The following COL4A5 variants were observed in gnomAD, a reference collection of about 807,000 sequenced individuals.
The protein encoded by COL4A5 is collagen alpha-5(IV) chain.
In COL4A5, 26 loss-of-function variants were observed where a neutral mutation model predicts 130.2. The ratio of observed to expected loss-of-function variants is 0.20; its 90% CI spans 0.15 to 0.28. The LOEUF (loss-of-function observed/expected upper bound fraction) is 0.28, where lower values mean the gene tolerates loss of function less well. Ranked by LOEUF, COL4A5 falls within the 10% of genes least tolerant of loss-of-function variation. The pLI is 1.00. For synonymous variants in COL4A5, 496 were observed against 439.6 expected (o/e 1.13, Z -1.60); for missense variants, 1,131 against 1,344.3 (o/e 0.84, Z 2.48).
In COL4A5 at chrX:108,619,348, C is replaced by T. The variant is rs750323407; in HGVS notation, c.2510-911C>T. Among the ~76,000 whole-genome samples, 5 of 111,843 alleles carry T rather than the reference C, an allele frequency of 4.5e-5. No homozygotes were observed. In the South Asian group the frequency reaches 1.5e-3, roughly 33 times the overall value. On this transcript the variant is annotated intron_variant, in intron 30 of 52. Coordinates refer to ENST00000328300, the MANE Select transcript of COL4A5 (RefSeq NM_033380.3). ...GACTTGGAATGATCATCTGGCTCAA[C>T]CCCTAGTTTCCAATTGGTTATGGCA... is the stretch of plus-strand genomic sequence containing the variant.
At chrX:108,607,215 A>G (rs1484381685) in intron 29 of COL4A5, among the ~76,000 whole-genome samples, 7 of 109,261 alleles carry the variant, frequency 6.4e-5, no homozygotes, top group Non-Finnish European at 1.9e-5. Context: ...AAAAATAGAA[A>G]AATTAGCCGG....
chrX:108,569,911 A>G (rs2066034947), intron 6 of COL4A5, among the ~76,000 whole-genome samples: 1 of 110,048 alleles, frequency 9.1e-6, no homozygotes, highest in African/African-American at 3.3e-5. Flanking sequence ...CGAATTCCTG[A>G]CCTCTTGATC....
At chrX:108,484,512 G>A (rs1358921609) in intron 1 of COL4A5, among the ~76,000 whole-genome samples, 1 of 112,505 alleles carries the variant, frequency 8.9e-6, no homozygotes. Context: ...TCTGCATTAG[G>A]GAACATCCCA....
intron 10 of COL4A5, 150 bp downstream of exon 10, chrX:108,576,122 A>C (rs1428397246): frequency 4.5e-6 from 2 of 444,338 alleles, no homozygotes; most frequent in Non-Finnish European, 7.9e-6. Context: ...TTACAATGAT[A>C]TGGTGAATAA....
rs2068569299 is a variant in COL4A5, at chrX:108,687,504, C to T, written c.4338C>T (p.Pro1446=). The T allele has an allele frequency of 8.3e-7, 1 of 1,211,184 alleles. No individual in the cohort carries two copies. Among genetic ancestry groups the T allele is most frequent in the Non-Finnish European group, 1.1e-6 (1 of 895,219 alleles). The stretch of plus-strand genomic sequence containing the variant: ...TAGGTACCCGTGGTTTGGATGGTCC[C>T]CCTGGTCCAGATGGATTGCAAGGTC... ...GQPGTRGLDG[P]PGPDGLQGPP... The change falls in exon 49 of 53, where the codon CCC becomes CCT. Residue 1446 remains proline, a synonymous_variant. Coordinates refer to ENST00000328300, the MANE Select transcript of COL4A5 (RefSeq NM_033380.3).
At position 108,439,944 on chromosome X, in the gene COL4A5, TC is replaced by T; in HGVS notation, c.-180del. The T allele has an allele frequency of 2.3e-6, 1 of 441,606 alleles. No homozygotes were observed. Among genetic ancestry groups the T allele is most frequent in the African/African-American group, 2.5e-5 (1 of 40,551 alleles). 36.4% of individuals were successfully genotyped at this position (441,606 alleles called of 1,213,427 possible). A position where few individuals can be genotyped will look rare whatever the true frequency, so the allele number is the denominator to read the frequency against. ...AGGGGAGGGGGGAAGGAAGAGTAGC[TC>T]CTTCTTCTTCTTCTTTTTTTTTTCT... On this transcript the variant is annotated 5_prime_UTR_variant, in exon 1 of 53. Coordinates refer to ENST00000328300, the MANE Select transcript of COL4A5 (RefSeq NM_033380.3).
At chrX:108,524,202 T>C (rs1220625154) in intron 1 of COL4A5, among the ~76,000 whole-genome samples, 1 of 111,746 alleles carries the variant, frequency 8.9e-6, no homozygotes, top group East Asian at 2.8e-4. Context: ...ACCTGTAGGA[T>C]TATGTGGAAA....
intron 16 of COL4A5, among the ~76,000 whole-genome samples, chrX:108,581,880 G>T (rs758730927): frequency 4.8e-4 from 52 of 109,267 alleles, no homozygotes; most frequent in South Asian, 1.2e-3. Context: ...CAGTTTTTTT[G>T]TGTGTGTGTG....
intron 6 of COL4A5, among the ~76,000 whole-genome samples, chrX:108,571,093 G>A (rs1050408636): frequency 2.7e-5 from 3 of 111,816 alleles, no homozygotes; most frequent in African/African-American, 9.7e-5. Context: ...GCAGGAAATG[G>A]GGCAGATCAT....
intron 1 of COL4A5, among the ~76,000 whole-genome samples, chrX:108,465,815 T>G (rs1206212664): frequency 9.0e-6 from 1 of 111,559 alleles, no homozygotes; most frequent in East Asian, 2.8e-4. Context: ...AAGGTGAAAT[T>G]TACATAACAT....
chrX:108,523,638 G>C (rs1377077711), intron 1 of COL4A5, among the ~76,000 whole-genome samples: 2 of 111,672 alleles, frequency 1.8e-5, no homozygotes, highest in Middle Eastern at 4.2e-3. Context: ...CAAAGAGGGC[G>C]GTTGGAATTT....
chrX:108,632,890 A>T (rs1256332722), intron 36 of COL4A5, among the ~76,000 whole-genome samples: 2 of 111,556 alleles, frequency 1.8e-5, no homozygotes, highest in African/African-American at 6.5e-5. Flanking sequence ...ATGGGCAAAA[A>T]CTGGAAGCAT....
At chrX:108,443,883 T>G (rs974230636) in intron 1 of COL4A5, among the ~76,000 whole-genome samples, 1 of 112,405 alleles carries the variant, frequency 8.9e-6, no homozygotes, top group South Asian at 3.7e-4. Context: ...CTGGCTTGAA[T>G]AAATTATTGT....
chrX:108,579,750 A>G (rs1317872980), intron 13 of COL4A5, among the ~76,000 whole-genome samples: 2 of 112,247 alleles, frequency 1.8e-5, no homozygotes, highest in Non-Finnish European at 1.9e-5. Flanking sequence ...TTGAAACTCT[A>G]TCATCAATAT....
intron 1 of COL4A5, among the ~76,000 whole-genome samples, chrX:108,477,082 T>C: frequency 9.0e-6 from 1 of 111,626 alleles, no homozygotes; most frequent in Non-Finnish European, 1.9e-5. Context: ...GGCAGCTAAT[T>C]AGATTGTGCC....
chrX:108,456,233 G>A (rs1049865029), intron 1 of COL4A5, among the ~76,000 whole-genome samples: 6 of 110,507 alleles, frequency 5.4e-5, no homozygotes, highest in African/African-American at 2.0e-4. Context: ...TTTATTTTTA[G>A]TTACTTGTTG....
At chrX:108,666,673 GA>G in intron 39 of COL4A5, 79 bp downstream of exon 39, 1 of 813,102 alleles carries the variant, frequency 1.2e-6, no homozygotes, top group East Asian at 3.4e-5. Flanking sequence ...TACCCACAGT[GA>G]AATTGTATCT....
rs1300252175 is a variant in COL4A5, at chrX:108,598,883, T to G, written c.1948+13T>G. On this transcript the variant is annotated intron_variant, in intron 25 of 52. Coordinates refer to ENST00000328300, the MANE Select transcript of COL4A5 (RefSeq NM_033380.3). Reference sequence around the variant, plus strand: ...CCAGGAATACCAGGTAAGTTTACTGTGTTTTGTTTTAAACTTGGTGCTTAA... The same window carrying G: ...CCAGGAATACCAGGTAAGTTTACTGGGTTTTGTTTTAAACTTGGTGCTTAA... The G allele has an allele frequency of 1.7e-6, 2 of 1,207,498 alleles. No individual in the cohort carries two copies. The highest frequency in any genetic ancestry group is 5.9e-5 in the East Asian group (2 of 33,742).
rs2068059325 is a variant in COL4A5, at chrX:108,665,518, C to T, written c.3385C>T (p.Pro1129Ser). 8.3e-7 allele frequency: 1 copy of T among 1,206,313 alleles called. No homozygotes were observed. The highest frequency in any genetic ancestry group is 1.1e-6 in the Non-Finnish European group (1 of 891,221). ...GLPGFPGTPG[P>S]PGPKGISGPP... Reference sequence around the variant, plus strand: ...GCTCTTTACTCTAGGAACCCCAGGCCCTCCTGGACCAAAAGGTATTAGTGG... The same window carrying T: ...GCTCTTTACTCTAGGAACCCCAGGCTCTCCTGGACCAAAAGGTATTAGTGG... Residue 1129 changes from proline to serine, a missense_variant, in exon 38 of 53, where the codon CCT (proline) becomes TCT (serine). Physicochemically the swap from Pro to Ser is moderately conservative, Grantham distance 74. Transcript: ENST00000328300.
Sources: gnomAD v4.1 joint callset for allele counts (sites outside exome capture counted in the v4.1 genomes callset) on GRCh38, gnomAD v4.1.1 for gene constraint, MANE v1.5 for transcripts, NCBI Gene and HGNC (gene_info 2026-07-23, HGNC 2026-07-21) for gene names.